DYSF: variants seen among roughly 807,000 people sequenced by gnomAD.
DYSF encodes the protein dysferlin, also known as dystrophy-associated fer-1-like 1.
In DYSF, 212 loss-of-function variants were observed where a neutral mutation model predicts 274.9. The observed-to-expected ratio is 0.77, with a 90% CI of 0.69 to 0.86. DYSF has a LOEUF of 0.86. DYSF is among the 40% of genes least tolerant of loss of function. The probability of loss-of-function intolerance (pLI) is 0.00; values close to 1 mark genes in which losing one functional copy is unlikely to be tolerated. For missense variants in DYSF, 2,666 were observed against 2,783.2 expected (o/e 0.96, Z 0.95); for synonymous variants, 1,091 against 1,078.7 (o/e 1.01, Z -0.22).
chr2:71,466,802 G>T lies in DYSF; in HGVS notation c.-41G>T, dbSNP rs1490319510. The T allele has an allele frequency of 4.0e-6, 6 of 1,488,688 alleles. No individual in the cohort carries two copies. Among genetic ancestry groups the T allele is most frequent in the Non-Finnish European group, 5.4e-6 (6 of 1,105,770 alleles). The allele number at this position is 1,488,688 out of a possible 1,614,324, so 92.2% of individuals were successfully genotyped here. On this transcript the variant is annotated 5_prime_UTR_variant, in exon 1 of 56. Transcript: ENST00000410020. ...GCTCGGGCCCGGTGCTCCCGCTCCC[G>T]CCCTGACTGCGCGCCTGTGTGCCGC... is the stretch of plus-strand genomic sequence containing the variant.
At chr2:71,645,417 T>G (rs2094551442) in intron 42 of DYSF, among the ~76,000 whole-genome samples, 1 of 152,108 alleles carries the variant, frequency 6.6e-6, no homozygotes, top group East Asian at 2.0e-4. Flanking sequence ...CCTGCTGGCC[T>G]GCTGAGGCCT....
At chr2:71,453,585 G>T (rs376300989) in exon 1 of DYSF, 56 of 323,362 alleles carry the variant, frequency 1.7e-4, no homozygotes, top group African/African-American at 1.1e-3. Context: ...TCTGGGCTAC[G>T]CCGGGCGCCC....
chr2:71,459,132 C>T (rs1014667648), intron 1 of DYSF, among the ~76,000 whole-genome samples: 4 of 152,192 alleles, frequency 2.6e-5, no homozygotes, highest in African/African-American at 9.7e-5. Context: ...TCTATACTTC[C>T]GGAAGCCTTT....
intron 1 of DYSF, among the ~76,000 whole-genome samples, chr2:71,475,094 T>A (rs771826119): frequency 6.6e-6 from 1 of 152,144 alleles, no homozygotes; most frequent in Non-Finnish European, 1.5e-5. Context: ...GTTGAGTGAC[T>A]CCAAAGCGGT....
intron 4 of DYSF, among the ~76,000 whole-genome samples, chr2:71,511,516 A>C (rs1573624155): frequency 6.6e-6 from 1 of 152,200 alleles, no homozygotes; most frequent in African/African-American, 2.4e-5. Context: ...TGCTATTGCT[A>C]TGACTAACCC....
intron 2 of DYSF, among the ~76,000 whole-genome samples, chr2:71,481,521 C>T (rs2082892992): frequency 6.6e-6 from 1 of 152,224 alleles, no homozygotes; most frequent in Non-Finnish European, 1.5e-5. Context: ...AATCTTGGTC[C>T]TTGAGGATGC....
intron 1 of DYSF, among the ~76,000 whole-genome samples, chr2:71,455,497 T>C (rs968637213): frequency 1.3e-5 from 2 of 152,194 alleles, no homozygotes; most frequent in African/African-American, 4.8e-5. Context: ...TTTATCCAGG[T>C]GTTTCCAGCA....
At chr2:71,679,282 C>T in intron 53 of DYSF, 47 bp downstream of exon 53, 2 of 1,584,736 alleles carry the variant, frequency 1.3e-6, no homozygotes, top group Non-Finnish European at 1.7e-6. Flanking sequence ...GGGGAAGCTT[C>T]TTCCATAGAA....
intron 38 of DYSF, among the ~76,000 whole-genome samples, chr2:71,611,889 G>T (rs1024883119): frequency 3.9e-5 from 6 of 152,190 alleles, no homozygotes; most frequent in African/African-American, 1.4e-4. Context: ...TCCCCTGGCT[G>T]TTGTCCCTCT....
At chr2:71,514,109 AC>A (rs1359944308) in intron 7 of DYSF, among the ~76,000 whole-genome samples, 188 bp downstream of exon 7, 2 of 149,488 alleles carry the variant, frequency 1.3e-5, no homozygotes, top group East Asian at 3.9e-4. Flanking sequence ...TCTTACATCC[AC>A]AGAATAAGCT....
intron 1 of DYSF, among the ~76,000 whole-genome samples, chr2:71,474,390 G>T (rs1329503269): frequency 6.6e-6 from 1 of 152,170 alleles, no homozygotes; most frequent in South Asian, 2.1e-4. Flanking sequence ...AGAGGGCATG[G>T]CCCCCTTTCC....
intron 55 of DYSF, among the ~76,000 whole-genome samples, chr2:71,683,332 C>A (rs1444480258): frequency 2.0e-5 from 3 of 152,220 alleles, no homozygotes; most frequent in East Asian, 1.9e-4. Context: ...GGCTGTCGTG[C>A]CCTTGCTCTG....
intron 53 of DYSF, 85 bp from the exon 54 acceptor site, chr2:71,680,916 C>T: frequency 9.5e-7 from 1 of 1,056,502 alleles, no homozygotes; most frequent in Non-Finnish European, 1.5e-6. Flanking sequence ...ATGAAGTGGC[C>T]CTTATGTTTT....
Position 71,559,830 on chromosome 2 carries a change from C to G in DYSF, c.2217-1922C>G, listed in dbSNP as rs140962831. On this transcript the variant is annotated intron_variant, in intron 22 of 55. Transcript: ENST00000410020. The stretch of plus-strand genomic sequence containing the variant: ...GGACTTCCTGAGAGCAGGGCCAGGT[C>G]TCATCTCTGGAGGCAGCATCCAGTC... 4.6e-5 allele frequency among the ~76,000 whole-genome samples: 7 copies of G among 152,360 alleles called. No individual in the cohort carries two copies. In the Middle Eastern group the frequency reaches 0.014, roughly 296 times the overall value.
intron 30 of DYSF, among the ~76,000 whole-genome samples, chr2:71,588,075 C>A (rs1376052213): frequency 1.3e-5 from 2 of 152,180 alleles, no homozygotes; most frequent in African/African-American, 2.4e-5. Flanking sequence ...TTGACGGCAC[C>A]TCTGGCTGTG....
intron 33 of DYSF, among the ~76,000 whole-genome samples, chr2:71,600,382 G>A (rs1429467293): frequency 1.3e-5 from 2 of 152,234 alleles, no homozygotes; most frequent in African/African-American, 4.8e-5. Context: ...CCAGGAGGCC[G>A]TCTCTCTGGT....
chr2:71,571,601 G>A (rs1468420681), intron 29 of DYSF, among the ~76,000 whole-genome samples: 2 of 86,796 alleles, frequency 2.3e-5, no homozygotes, highest in Non-Finnish European at 4.3e-5. Flanking sequence ...AGCACACACA[G>A]CTCACACCCA....
In DYSF at chr2:71,571,083, C is replaced by T. The variant is rs1185877004; in HGVS notation, c.3228+342C>T. On this transcript the variant is annotated intron_variant, in intron 29 of 55. Transcript: ENST00000410020. Reference sequence around the variant, plus strand: ...ATCACACCCAGCACACAGATTACACCCAGCACACACACAGATCACACCCAG... The same window carrying T: ...ATCACACCCAGCACACAGATTACACTCAGCACACACACAGATCACACCCAG... Among the ~76,000 whole-genome samples the T allele has an allele frequency of 5.5e-5, 7 of 126,754 alleles. No individual in the cohort carries two copies. In the South Asian group the frequency reaches 1.7e-3, roughly 31 times the overall value. The allele number at this position is 126,754 out of a possible 152,430, so 83.2% of individuals were successfully genotyped here.
Position 71,664,534 on chromosome 2 carries a change from G to T in DYSF, c.5174+96G>T, listed in dbSNP as rs532151199. 1.7e-4 allele frequency: 251 copies of T among 1,496,714 alleles called. No individual in the cohort carries two copies. The African/African-American group carries it at 3.2e-3, about 19-fold the overall frequency. 92.7% of individuals were successfully genotyped at this position (1,496,714 alleles called of 1,614,324 possible). ...ACCACTGAGCACTTACTGTGTGCCAGCCCTGGGCTTAGCACTTCCTAGGCA... is the reference window on the plus strand; with the variant it reads ...ACCACTGAGCACTTACTGTGTGCCATCCCTGGGCTTAGCACTTCCTAGGCA... On this transcript the variant is annotated intron_variant, in intron 46 of 55. Transcript: ENST00000410020.
Sources: allele counts gnomAD v4.1 joint callset (sites outside exome capture counted in the v4.1 genomes callset), GRCh38; gene constraint gnomAD v4.1.1; transcripts MANE v1.5; gene names NCBI Gene and HGNC (gene_info 2026-07-23, HGNC 2026-07-21).